The following AGMO variants were observed in gnomAD, a reference collection of about 807,000 sequenced individuals.
AGMO encodes the protein glyceryl-ether monooxygenase.
A neutral mutation model predicts 60.2 loss-of-function variants in AGMO; 75 were observed. That is an observed-to-expected ratio of 1.25 (90% CI 1.03 to 1.51). AGMO has a LOEUF of 1.51. Among genes scored for constraint, AGMO ranks in the 40% most tolerant of loss-of-function variants. AGMO has a pLI of 0.00. For synonymous variants in AGMO, 261 were observed against 177.1 expected (o/e 1.47, Z -3.76); for missense variants, 763 against 525.5 (o/e 1.45, Z -4.42).
At chr7:15,369,189 C>G (rs1048436558) in intron 10 of AGMO, among the ~76,000 whole-genome samples, 5 of 152,026 alleles carry the variant, frequency 3.3e-5, no homozygotes, top group African/African-American at 1.2e-4. Flanking sequence ...CCAAGATGAT[C>G]TCCCCAACAA....
the AGMO span, among the ~76,000 whole-genome samples, chr7:15,162,829 C>A: frequency 6.6e-6 from 1 of 152,048 alleles, no homozygotes; most frequent in Admixed American, 6.6e-5. Flanking sequence ...CTTAAGATTG[C>A]TTTGACTATT....
intron 12 of AGMO, among the ~76,000 whole-genome samples, chr7:15,328,721 C>T (rs1263348627): frequency 2.6e-5 from 4 of 152,146 alleles, no homozygotes; most frequent in Non-Finnish European, 5.9e-5. Flanking sequence ...TTTTAAAGGT[C>T]AAATTACATT....
chr7:15,220,470 G>A (rs1029843115), intron 12 of AGMO, among the ~76,000 whole-genome samples: 3 of 151,144 alleles, frequency 2.0e-5, no homozygotes, highest in Non-Finnish European at 2.9e-5. Context: ...CGCCCACCTC[G>A]GCCTCCCAAA....
At chr7:15,477,103 T>C (rs192340723) in intron 3 of AGMO, among the ~76,000 whole-genome samples, 214 of 151,772 alleles carry the variant, frequency 1.4e-3, no homozygotes, top group African/African-American at 5.0e-3. Flanking sequence ...GGAATTAGCC[T>C]ATCACAGACT....
the AGMO span, among the ~76,000 whole-genome samples, chr7:15,171,138 C>A: frequency 6.6e-6 from 1 of 152,070 alleles, no homozygotes; most frequent in African/African-American, 2.4e-5. Context: ...CCCGCCACCA[C>A]GCCTGGCTAA....
chr7:15,372,360 AGTAAACTACT>A (rs1469623525), intron 10 of AGMO, among the ~76,000 whole-genome samples: 2 of 152,170 alleles, frequency 1.3e-5, no homozygotes, highest in African/African-American at 4.8e-5. Flanking sequence ...CTGAGGCAGG[AGTAAACTACT>A]GTTTGAACCT....
At chr7:15,172,466 G>A in the AGMO span, among the ~76,000 whole-genome samples, 1 of 152,182 alleles carries the variant, frequency 6.6e-6, no homozygotes, top group African/African-American at 2.4e-5. Context: ...TCCGAAGAGT[G>A]AGGCAGATTC....
At chr7:15,495,755 T>C (rs566984671) in intron 3 of AGMO, among the ~76,000 whole-genome samples, 36 of 152,204 alleles carry the variant, frequency 2.4e-4, no homozygotes, top group Middle Eastern at 3.4e-3. Context: ...TCCTGGCTCA[T>C]AGACAGCCAG....
At chr7:15,210,538 A>C (rs1297917206) in intron 12 of AGMO, among the ~76,000 whole-genome samples, 1 of 152,134 alleles carries the variant, frequency 6.6e-6, no homozygotes, top group Non-Finnish European at 1.5e-5. Flanking sequence ...TTAAAAAATG[A>C]TTCCTATATT....
chr7:15,352,870 T>G (rs1782303849), intron 12 of AGMO, among the ~76,000 whole-genome samples: 1 of 152,092 alleles, frequency 6.6e-6, no homozygotes, highest in Admixed American at 6.6e-5. Flanking sequence ...AACGTGTATG[T>G]GTTTAATTCC....
chr7:15,436,163 A>G (rs534053473), intron 3 of AGMO, among the ~76,000 whole-genome samples: 1 of 152,334 alleles, frequency 6.6e-6, no homozygotes, highest in East Asian at 1.9e-4. Context: ...TTTATGCAAC[A>G]TTTAGCATAT....
At chr7:15,158,072 G>A in the AGMO span, among the ~76,000 whole-genome samples, 9 of 152,000 alleles carry the variant, frequency 5.9e-5, no homozygotes, top group African/African-American at 1.7e-4. Flanking sequence ...TTTTATGACT[G>A]TATTGATATA....
intron 3 of AGMO, among the ~76,000 whole-genome samples, chr7:15,446,933 A>G (rs1351992484): frequency 6.6e-6 from 1 of 152,196 alleles, no homozygotes; most frequent in Non-Finnish European, 1.5e-5. Flanking sequence ...CTACTTTGTC[A>G]GCCAATATCC....
intron 12 of AGMO, among the ~76,000 whole-genome samples, chr7:15,214,182 C>A (rs1023774126): frequency 6.6e-6 from 1 of 151,964 alleles, no homozygotes; most frequent in South Asian, 2.1e-4. Context: ...AACAAATCCA[C>A]GGGGAATTTG....
intron 12 of AGMO, among the ~76,000 whole-genome samples, chr7:15,243,146 TAG>T (rs1270878704): frequency 6.6e-6 from 1 of 152,102 alleles, no homozygotes; most frequent in Non-Finnish European, 1.5e-5. Context: ...TTAATATACA[TAG>T]GTCAGTTCTC....
At chr7:15,424,122 C>T (rs1057102404) in intron 4 of AGMO, among the ~76,000 whole-genome samples, 2 of 152,108 alleles carry the variant, frequency 1.3e-5, no homozygotes, top group South Asian at 2.1e-4. Flanking sequence ...TTTATTTCTT[C>T]TATGAAGCTT....
intron 12 of AGMO, among the ~76,000 whole-genome samples, chr7:15,331,165 G>T (rs1273948290): frequency 6.6e-6 from 1 of 152,128 alleles, no homozygotes; most frequent in East Asian, 1.9e-4. Context: ...GGATCCTTCT[G>T]TCCTACTCTA....
In AGMO at chr7:15,230,674, A is replaced by G. The variant is rs558952980; in HGVS notation, c.1264-29315T>C. Among the ~76,000 whole-genome samples the G allele has an allele frequency of 5.3e-5, 8 of 152,310 alleles. No homozygotes were observed. The East Asian group carries it at 1.4e-3, about 26-fold the overall frequency. On this transcript the variant is annotated intron_variant, in intron 12 of 12. Transcript: ENST00000342526. ...AGAAGTCTTTTTCAGGTGGCTCTGC[A>G]GAAACCTCCTTATAAGGGAAAGAGA...
At chr7:15,203,573 C>G (rs1369207881) in intron 12 of AGMO, among the ~76,000 whole-genome samples, 2 of 150,936 alleles carry the variant, frequency 1.3e-5, no homozygotes, top group Admixed American at 1.3e-4. Context: ...AGATGTACAA[C>G]TGGTTAAGCC....
Sources: allele counts gnomAD v4.1 joint callset (sites outside exome capture counted in the v4.1 genomes callset), GRCh38; gene constraint gnomAD v4.1.1; transcripts MANE v1.5; gene names NCBI Gene and HGNC (gene_info 2026-07-23, HGNC 2026-07-21).